The following STXBP3 variants were observed in gnomAD, a reference collection of about 807,000 sequenced individuals.
STXBP3 encodes the protein syntaxin-binding protein 3.
Under a neutral mutation model 85.7 loss-of-function variants are expected in STXBP3, and 41 were observed. The ratio of observed to expected loss-of-function variants is 0.48; its 90% CI spans 0.37 to 0.62. STXBP3 has a LOEUF of 0.62. STXBP3 is among the 20% of genes least tolerant of loss of function. STXBP3 has a pLI of 0.00. For missense variants in STXBP3, 563 were observed against 703.1 expected (o/e 0.80, Z 2.25); for synonymous variants, 229 against 231.7 (o/e 0.99, Z 0.10).
chr1:108,755,338 T>A (rs924106085), intron 3 of STXBP3, among the ~76,000 whole-genome samples: 1 of 152,054 alleles, frequency 6.6e-6, no homozygotes, highest in African/African-American at 2.4e-5. Flanking sequence ...TCCCAGCTAC[T>A]TGGAGAACTG....
At chr1:108,790,368 A>G (rs1412255562) in intron 11 of STXBP3, among the ~76,000 whole-genome samples, 3 of 152,014 alleles carry the variant, frequency 2.0e-5, no homozygotes, top group African/African-American at 4.8e-5. Context: ...CTTGAGGTCT[A>G]CTTTGATGTT....
At position 108,779,289 on chromosome 1, in the gene STXBP3, A is replaced by T; in HGVS notation, c.688A>T (p.Lys230Ter). The T allele has an allele frequency of 6.2e-7, 1 of 1,611,146 alleles. No homozygotes were observed. Among genetic ancestry groups the T allele is most frequent in the Non-Finnish European group, 8.5e-7 (1 of 1,178,412 alleles). ...TGATTTTATCTTGTTATTCTAGGGT[A>T]AAACTCATTCACAGCTCTTAATAAT... ...KIDEKSLIKG[K>*]THSQLLIIDR... Residue 230 changes from lysine to a stop codon, truncating the protein, a stop_gained, in exon 9 of 19, where the codon AAA (lysine) becomes TAA (stop). Transcript: ENST00000370008. LOFTEE classifies it high-confidence loss of function.
At chr1:108,776,045 C>T (rs1245734123) in intron 7 of STXBP3, among the ~76,000 whole-genome samples, 1 of 151,692 alleles carries the variant, frequency 6.6e-6, no homozygotes, top group Admixed American at 6.6e-5. Flanking sequence ...GGGAGAGGAC[C>T]AGGACTTAGG....
intron 3 of STXBP3, among the ~76,000 whole-genome samples, chr1:108,755,782 A>G (rs896199650): frequency 6.6e-6 from 1 of 152,228 alleles, no homozygotes; most frequent in African/African-American, 2.4e-5. Flanking sequence ...AAGTAAAACT[A>G]TAATAGTTGA....
chr1:108,779,692 G>T, intron 9 of STXBP3: 1 of 190,352 alleles, frequency 5.3e-6, no homozygotes, highest in Non-Finnish European at 1.0e-5. Context: ...TGGCCCTTTT[G>T]CTTTTAAAAG....
chr1:108,805,419 A>ATTT (rs34972308), intron 17 of STXBP3, among the ~76,000 whole-genome samples: 54 of 114,318 alleles, frequency 4.7e-4, no homozygotes, highest in African/African-American at 1.0e-3. Flanking sequence ...CTAGATTCAG[A>ATTT]TTTTTTTTTT....
At chr1:108,804,637 T>C (rs775260643) in intron 17 of STXBP3, among the ~76,000 whole-genome samples, 2 of 152,044 alleles carry the variant, frequency 1.3e-5, no homozygotes, top group Non-Finnish European at 2.9e-5. Flanking sequence ...TTGCATGTGC[T>C]TTTGCCAGAT....
chr1:108,767,314 T>G (rs1487425593), intron 6 of STXBP3: 1 of 233,496 alleles, frequency 4.3e-6, no homozygotes, highest in Non-Finnish European at 8.4e-6. Flanking sequence ...TCAGCCAGTT[T>G]CCTATTGGCT....
At chr1:108,756,905 T>A in intron 4 of STXBP3, 139 bp downstream of exon 4, 1 of 486,112 alleles carries the variant, frequency 2.1e-6, no homozygotes, top group Non-Finnish European at 3.5e-6. Flanking sequence ...GGAAAGTTTT[T>A]TTCTGTGTTA....
intron 3 of STXBP3, among the ~76,000 whole-genome samples, chr1:108,755,717 T>C (rs1021927535): frequency 1.3e-5 from 2 of 152,160 alleles, no homozygotes; most frequent in African/African-American, 4.8e-5. Flanking sequence ...AGACACTCCA[T>C]TTTGAACATT....
intron 3 of STXBP3, among the ~76,000 whole-genome samples, chr1:108,754,369 A>G (rs950559097): frequency 9.2e-5 from 14 of 152,108 alleles, no homozygotes; most frequent in South Asian, 6.2e-4. Flanking sequence ...TACATATTCA[A>G]TTGTGGTCTT....
chr1:108,797,191 C>T (rs1212763124), intron 15 of STXBP3, among the ~76,000 whole-genome samples: 1 of 151,354 alleles, frequency 6.6e-6, no homozygotes, highest in Non-Finnish European at 1.5e-5. Flanking sequence ...CTCGCCTCTA[C>T]AAAAAACAAA....
At chr1:108,765,570 ATTTTTT>A (rs35813823) in intron 6 of STXBP3, among the ~76,000 whole-genome samples, 1 of 67,168 alleles carries the variant, frequency 1.5e-5, no homozygotes, top group South Asian at 4.3e-4. Context: ...CCACATGCTA[ATTTTTT>A]TTTTTTTTTT....
At chr1:108,756,293 C>A (rs1488570459) in intron 3 of STXBP3, among the ~76,000 whole-genome samples, 1 of 152,074 alleles carries the variant, frequency 6.6e-6, no homozygotes, top group Non-Finnish European at 1.5e-5. Flanking sequence ...GGAGTCACAT[C>A]TGGGTTAGAA....
intron 1 of STXBP3, among the ~76,000 whole-genome samples, chr1:108,749,345 A>G (rs962257624): frequency 1.3e-5 from 2 of 152,216 alleles, no homozygotes; most frequent in African/African-American, 2.4e-5. Context: ...TGTATTGCGT[A>G]GTTGAATGAA....
At chr1:108,762,210 T>G (rs968757581) in intron 6 of STXBP3, among the ~76,000 whole-genome samples, 2 of 152,176 alleles carry the variant, frequency 1.3e-5, no homozygotes, top group African/African-American at 4.8e-5. Flanking sequence ...CTACCCTCAT[T>G]TGAATACTAT....
Position 108,779,402 on chromosome 1 carries a change from T to C in STXBP3, c.801T>C (p.Asp267=), listed in dbSNP as rs1258784856. Residue 267 remains aspartate (D), a synonymous_variant, in exon 9 of 19, where the codon GAT becomes GAC. Transcript: ENST00000370008. ...MAYDLLPIEN[D]TYKYKTDGKE... ...ATGATCTACTACCAATTGAGAATGA[T>C]ACATACAAGCAAGTATAACTTGAAG... is the stretch of plus-strand genomic sequence containing the variant. The C allele has an allele frequency of 6.2e-7, 1 of 1,610,598 alleles. No individual in the cohort carries two copies. Among genetic ancestry groups the C allele is most frequent in the Non-Finnish European group, 8.5e-7 (1 of 1,178,066 alleles).
At chr1:108,772,110 CTATATATCATATATAAATACATA>C (rs1557806262) in intron 6 of STXBP3, among the ~76,000 whole-genome samples, 11 of 113,824 alleles carry the variant, frequency 9.7e-5, no homozygotes, top group African/African-American at 3.3e-4. Context: ...TGATATCTAT[CTATATATCATATATAAATACATA>C]TGATATCTAT....
At chr1:108,798,055 G>C in intron 15 of STXBP3, 90 bp from the exon 16 acceptor site, 2 of 1,094,570 alleles carry the variant, frequency 1.8e-6, no homozygotes, top group Non-Finnish European at 1.3e-6. Flanking sequence ...AGTATTTACT[G>C]GTAAATTAAA....
Sources: allele counts gnomAD v4.1 joint callset (sites outside exome capture counted in the v4.1 genomes callset), GRCh38; gene constraint gnomAD v4.1.1; transcripts MANE v1.5; gene names NCBI Gene and HGNC (gene_info 2026-07-23, HGNC 2026-07-21).